SNRPN: variants seen among roughly 807,000 people sequenced by gnomAD.
SNRPN encodes the protein small nuclear ribonucleoprotein-associated protein N.
A neutral mutation model predicts 25.2 loss-of-function variants in SNRPN; 7 were observed. That is an observed-to-expected ratio of 0.28 (90% confidence interval 0.16 to 0.52). The LOEUF (loss-of-function observed/expected upper bound fraction) is 0.52, where lower values mean the gene tolerates loss of function less well. Ranked by LOEUF, SNRPN falls within the 20% of genes least tolerant of loss-of-function variation. The pLI, the probability that SNRPN is intolerant of heterozygous loss-of-function variation, is 0.96. For synonymous variants in SNRPN, 124 were observed against 110.6 expected (o/e 1.12, Z -0.76); for missense variants, 196 against 322.5 (o/e 0.61, Z 3.00).
chr15:24,835,208 TTTTG>T (rs1023326943), intron 2 of SNRPN, among the ~76,000 whole-genome samples: 2 of 147,924 alleles, frequency 1.4e-5, no homozygotes, highest in South Asian at 2.1e-4. Context: ...TCAAATAAAA[TTTTG>T]TTTTAGTTTT....
intron 3 of SNRPN, among the ~76,000 whole-genome samples, chr15:24,935,226 C>T (rs1268063987): frequency 1.3e-5 from 2 of 151,470 alleles, no homozygotes; most frequent in African/African-American, 4.9e-5. Flanking sequence ...GAGCCGAGAT[C>T]ATGCCGCTAC....
At chr15:24,910,042 T>G (rs901365014) in intron 2 of SNRPN, among the ~76,000 whole-genome samples, 1 of 152,224 alleles carries the variant, frequency 6.6e-6, no homozygotes, top group Non-Finnish European at 1.5e-5. Flanking sequence ...AGTCACCTGT[T>G]TCTCCAGTTC....
In SNRPN at chr15:24,962,183, A is replaced by G. The variant is rs2074940645; in HGVS notation, c.-321A>G. ...AGGTGGAAGTCCAAGTCAAACGCAG[A>G]AGGACTGCCTCACTGAGCAACCAAG... On this transcript the variant is annotated 5_prime_UTR_variant, in exon 2 of 10. Transcript: ENST00000390687. The G allele has an allele frequency of 6.2e-7, 1 of 1,614,040 alleles. No individual in the cohort carries two copies. The highest frequency in any genetic ancestry group is 8.5e-7 in the Non-Finnish European group (1 of 1,180,022).
chr15:24,835,745 C>G (rs61994705), intron 2 of SNRPN, among the ~76,000 whole-genome samples: 63,759 of 151,976 alleles, frequency 0.42, 13,631 homozygotes, highest in East Asian at 0.53. Context: ...AAGAAAGGTC[C>G]AGAACCTATG....
chr15:24,974,224 C>T, intron 3 of SNRPN, 87 bp from the exon 4 acceptor site: 1 of 558,312 alleles, frequency 1.8e-6, no homozygotes, highest in Admixed American at 3.2e-5. Flanking sequence ...TTGAACGTGT[C>T]TGTCATAGTG....
chr15:24,862,555 A>T (rs2054083498), intron 1 of SNRPN, among the ~76,000 whole-genome samples: 1 of 151,244 alleles, frequency 6.6e-6, no homozygotes, highest in Admixed American at 6.6e-5. Flanking sequence ...ACAAAAAAAC[A>T]AAATCTTCTG....
At chr15:24,861,644 G>C (rs1309171823) in intron 1 of SNRPN, among the ~76,000 whole-genome samples, 1 of 152,112 alleles carries the variant, frequency 6.6e-6, no homozygotes, top group Non-Finnish European at 1.5e-5. Flanking sequence ...GACATCTCTA[G>C]GTGATAGGAA....
chr15:24,938,149 C>T (rs1175853234), intron 3 of SNRPN, among the ~76,000 whole-genome samples: 8 of 137,658 alleles, frequency 5.8e-5, no homozygotes, highest in Middle Eastern at 4.1e-3. Context: ...CTTGCTCTTT[C>T]GCCCAGGCTG....
At chr15:24,856,184 T>A (rs1322187846), upstream of SNRPN, among the ~76,000 whole-genome samples, 1 of 152,012 alleles carries the variant, frequency 6.6e-6, no homozygotes, top group Non-Finnish European at 1.5e-5. Flanking sequence ...GAAGAAAGAG[T>A]GAAAACCTCT....
At chr15:24,839,459 A>G (rs1265347810) in intron 2 of SNRPN, among the ~76,000 whole-genome samples, 1 of 152,060 alleles carries the variant, frequency 6.6e-6, no homozygotes, top group Non-Finnish European at 1.5e-5. Flanking sequence ...CTGTTTTGAT[A>G]GTCTTTGTCC....
At chr15:24,836,097 C>T (rs565419491) in intron 2 of SNRPN, among the ~76,000 whole-genome samples, 42 of 152,192 alleles carry the variant, frequency 2.8e-4, no homozygotes, top group African/African-American at 9.9e-4. Flanking sequence ...TTTGTGACCT[C>T]TCTACGTGGC....
intron 7 of SNRPN, among the ~76,000 whole-genome samples, 184 bp from the exon 8 acceptor site, chr15:24,977,594 C>T (rs975515265): frequency 6.6e-6 from 1 of 151,938 alleles, no homozygotes; most frequent in African/African-American, 2.4e-5. Flanking sequence ...GCTGAGATTG[C>T]GCCATTACAC....
intron 1 of SNRPN, among the ~76,000 whole-genome samples, chr15:24,885,116 C>T (rs2057079745): frequency 6.6e-6 from 1 of 152,274 alleles, no homozygotes. Flanking sequence ...TTAGTAAGTA[C>T]ATCAAAGCCA....
chr15:24,881,525 CCGAG>C (rs1566863628), intron 1 of SNRPN, among the ~76,000 whole-genome samples: 1 of 88,700 alleles, frequency 1.1e-5, no homozygotes, highest in Non-Finnish European at 2.1e-5. Context: ...GAGCGAAACT[CCGAG>C]AGAGAGAGAG....
At chr15:24,835,524 A>AT (rs1272656835) in intron 2 of SNRPN, among the ~76,000 whole-genome samples, 1 of 152,042 alleles carries the variant, frequency 6.6e-6, no homozygotes, top group Admixed American at 6.5e-5. Context: ...ACCTGCTTCC[A>AT]TAGGAGGAGC....
intron 3 of SNRPN, among the ~76,000 whole-genome samples, chr15:24,931,493 G>A (rs1013732499): frequency 2.0e-5 from 3 of 152,118 alleles, no homozygotes; most frequent in South Asian, 2.1e-4. Context: ...CAGAGGCTGA[G>A]GCAGAAGGAT....
intron 3 of SNRPN, among the ~76,000 whole-genome samples, chr15:24,933,085 G>T (rs1020121367): frequency 6.6e-6 from 1 of 152,050 alleles, no homozygotes; most frequent in Non-Finnish European, 1.5e-5. Context: ...AACACAGGGA[G>T]ACCTCTTCTC....
intron 1 of SNRPN, among the ~76,000 whole-genome samples, chr15:24,878,847 C>T (rs942151556): frequency 2.0e-5 from 3 of 151,814 alleles, no homozygotes; most frequent in Non-Finnish European, 2.9e-5. Flanking sequence ...TCTGTATTGT[C>T]CTTAAGATTC....
chr15:24,967,560 T>C (rs547664986), intron 2 of SNRPN, among the ~76,000 whole-genome samples: 2 of 151,600 alleles, frequency 1.3e-5, no homozygotes, highest in South Asian at 4.2e-4. Flanking sequence ...GAGAATGGCG[T>C]GAACCCAGGA....
Sources: allele counts gnomAD v4.1 joint callset (sites outside exome capture counted in the v4.1 genomes callset), GRCh38; gene constraint gnomAD v4.1.1; transcripts MANE v1.5; gene names NCBI Gene and HGNC (gene_info 2026-07-23, HGNC 2026-07-21).